CNIH4: variants seen among roughly 807,000 people sequenced by gnomAD.
CNIH4 encodes protein cornichon homolog 4.
Under a neutral mutation model 21.5 loss-of-function variants are expected in CNIH4, and 9 were observed. The observed-to-expected ratio is 0.42, with a 90% CI of 0.25 to 0.73. The LOEUF (loss-of-function observed/expected upper bound fraction) is 0.73. Ranked by LOEUF, CNIH4 falls within the 30% of genes least tolerant of loss-of-function variation. CNIH4 has a pLI of 0.27. For synonymous variants in CNIH4, 67 were observed against 59.1 expected (o/e 1.13, Z -0.61); for missense variants, 159 against 170.0 (o/e 0.94, Z 0.36).
chr1:224,357,391 G>A, intron 1 of CNIH4: 1 of 171,192 alleles, frequency 5.8e-6, no homozygotes, highest in Non-Finnish European at 1.2e-5. Context: ...GCCCTGCGCC[G>A]TGCTCTTCGT....
intron 1 of CNIH4, among the ~76,000 whole-genome samples, chr1:224,358,236 T>C (rs1222147905): frequency 2.0e-5 from 3 of 152,212 alleles, no homozygotes; most frequent in African/African-American, 4.8e-5. Flanking sequence ...ATATGCACAA[T>C]GAGAATGGTG....
Position 224,376,008 on chromosome 1 carries a change from AT to A in CNIH4, c.*189del. The A allele has an allele frequency of 7.8e-7, 1 of 1,287,866 alleles. No homozygotes were observed. The highest frequency in any genetic ancestry group is 2.7e-5 in the South Asian group (1 of 36,830). 79.8% of individuals were successfully genotyped at this position (1,287,866 alleles called of 1,614,324 possible). A position where few individuals can be genotyped will look rare whatever the true frequency, so the allele number is the denominator to read the frequency against. On this transcript the variant is annotated 3_prime_UTR_variant, in exon 5 of 5. Coordinates refer to ENST00000465271, the MANE Select transcript of CNIH4 (RefSeq NM_014184.4). ...AAAAACATGAATTGAGTTTCTGTAG[AT>A]TTCTAGTTCTCAACTTTAGCCTGAA...
chr1:224,369,038 A>G (rs2102862313), intron 3 of CNIH4, among the ~76,000 whole-genome samples: 1 of 151,912 alleles, frequency 6.6e-6, no homozygotes, highest in Admixed American at 6.6e-5. Context: ...CTCAGCGACC[A>G]TCCCACTCAT....
At chr1:224,361,684 G>A (rs898021483) in intron 2 of CNIH4, among the ~76,000 whole-genome samples, 9 of 151,980 alleles carry the variant, frequency 5.9e-5, no homozygotes, top group African/African-American at 2.2e-4. Context: ...CTAGGCTCAA[G>A]CGATCCTTCC....
chr1:224,366,059 C>A, intron 3 of CNIH4, 68 bp downstream of exon 3: 2 of 982,762 alleles, frequency 2.0e-6, no homozygotes, highest in Non-Finnish European at 3.3e-6. Context: ...GTGTTTTTTT[C>A]AAGACAGGAT....
At position 224,375,819 on chromosome 1, in the gene CNIH4, C is replaced by A; in HGVS notation, c.417C>A (p.Asp139Glu). 2 of 1,613,994 alleles carry A rather than the reference C, an allele frequency of 1.2e-6. No individual in the cohort carries two copies. The highest frequency in any genetic ancestry group is 1.7e-6 in the Non-Finnish European group (2 of 1,179,962). The change falls in exon 5 of 5, where the codon GAC (aspartate) becomes GAA (glutamate). Residue 139 changes from aspartate to glutamate, a missense_variant. Asp to Glu is a conservative substitution (Grantham distance 45). Coordinates refer to ENST00000465271, the MANE Select transcript of CNIH4 (RefSeq NM_014184.4). The stretch of plus-strand genomic sequence containing the variant: ...GTATGATCTTAGCTTTGATAAATGA[C>A]TGAAGCTGGAGAAGCCGTGGTTGAA... The part of the protein sequence containing the change: ...LYSMILALIN[D>E]
chr1:224,373,791 G>A (rs1672703586), intron 4 of CNIH4, among the ~76,000 whole-genome samples: 1 of 151,340 alleles, frequency 6.6e-6, no homozygotes, highest in Non-Finnish European at 1.5e-5. Flanking sequence ...TCATGCCACT[G>A]CACTGCAGCC....
Position 224,372,975 on chromosome 1 carries a change from C to T in CNIH4, c.392+1552C>T, listed in dbSNP as rs552163712. ...CTGACAAAGCAGGCTTCCTAAAATC[C>T]CTTCACTGTGCTAAATCCACCCATT... is the stretch of plus-strand genomic sequence containing the variant. On this transcript the variant is annotated intron_variant, in intron 4 of 4. Coordinates refer to ENST00000465271, the MANE Select transcript of CNIH4 (RefSeq NM_014184.4). Among the ~76,000 whole-genome samples the T allele has an allele frequency of 2.8e-4, 43 of 151,884 alleles. 1 individual carries two copies. Among genetic ancestry groups the T allele is most frequent in the Middle Eastern group, 3.2e-3 (1 of 316 alleles).
chr1:224,366,996 C>T (rs952266609), intron 3 of CNIH4, among the ~76,000 whole-genome samples: 1 of 150,428 alleles, frequency 6.6e-6, no homozygotes, highest in East Asian at 2.0e-4. Context: ...AATTAGGTAA[C>T]TAATCAAAAT....
Position 224,376,167 on chromosome 1 carries a change from T to G in CNIH4, c.*345T>G. On this transcript the variant is annotated 3_prime_UTR_variant, in exon 5 of 5. Transcript: ENST00000465271. ...CACTTTAAAGGGCAAACTGAAGAGA[T>G]GAGCGAGCAAAGGTGCCCTTCAGGT... 4.9e-6 allele frequency: 5 copies of G among 1,029,476 alleles called. No homozygotes were observed. Among genetic ancestry groups the G allele is most frequent in the Non-Finnish European group, 5.8e-6 (5 of 858,822 alleles). 63.8% of individuals were successfully genotyped at this position (1,029,476 alleles called of 1,614,324 possible).
chr1:224,357,232 C>T, intron 1 of CNIH4: 1 of 446,402 alleles, frequency 2.2e-6, no homozygotes, highest in Non-Finnish European at 3.9e-6. Flanking sequence ...TTGCCGGCCG[C>T]CCCTCACTCG....
rs535317256 is a variant in CNIH4 at position 224,362,345 on chromosome 1, G to T, written c.138+1782G>T. Reference sequence around the variant, plus strand: ...GATCTGCCCGCCTCAGCCTCCCAAAGAATTTCTCATCTATTCTATATGATT... The same window carrying T: ...GATCTGCCCGCCTCAGCCTCCCAAATAATTTCTCATCTATTCTATATGATT... On this transcript the variant is annotated intron_variant, in intron 2 of 4. Coordinates refer to ENST00000465271, the MANE Select transcript of CNIH4 (RefSeq NM_014184.4). Among the ~76,000 whole-genome samples the T allele has an allele frequency of 9.3e-5, 14 of 150,830 alleles. No individual in the cohort carries two copies. The South Asian group carries it at 3.0e-3, about 32-fold the overall frequency.
Position 224,376,735 on chromosome 1 carries a change from T to C in CNIH4, c.*913T>C. 2.0e-6 allele frequency: 2 copies of C among 985,450 alleles called. No homozygotes were observed. Among genetic ancestry groups the C allele is most frequent in the Non-Finnish European group, 2.4e-6 (2 of 829,946 alleles). The allele number at this position is 985,450 out of a possible 1,614,324, so 61.0% of individuals were successfully genotyped here. A position where few individuals can be genotyped will look rare whatever the true frequency, so the allele number is the denominator to read the frequency against. On this transcript the variant is annotated 3_prime_UTR_variant, in exon 5 of 5. Transcript: ENST00000465271. ...CCACGTTGTGAACTGGGAGACCAAA[T>C]GCAAGCCATTTCATGGACATAGCAA... is the stretch of plus-strand genomic sequence containing the variant.
At chr1:224,361,302 G>C (rs1257331689) in intron 2 of CNIH4, among the ~76,000 whole-genome samples, 3 of 151,888 alleles carry the variant, frequency 2.0e-5, no homozygotes, top group African/African-American at 7.3e-5. Flanking sequence ...ATTTTTCATA[G>C]AGATGGGGTT....
At chr1:224,366,625 AGGTGTGAGCCACAGCGCCG>A (rs958613559) in intron 3 of CNIH4, among the ~76,000 whole-genome samples, 9 of 151,460 alleles carry the variant, frequency 5.9e-5, no homozygotes, top group African/African-American at 2.2e-4. Context: ...CTGGGATTAC[AGGTGTGAGCCACAGCGCCG>A]GGCTGGAAGT....
At chr1:224,357,106 G>A in intron 1 of CNIH4, 113 bp downstream of exon 1, 1 of 1,241,424 alleles carries the variant, frequency 8.1e-7, no homozygotes, top group Admixed American at 2.0e-5. Flanking sequence ...GGCGGGCGTG[G>A]GCTCCCTGGG....
At position 224,376,179 on chromosome 1, in the gene CNIH4, G is replaced by GGTGCCCT. The variant is rs1252876225; in HGVS notation, c.*358_*364dup. On this transcript the variant is annotated 3_prime_UTR_variant, in exon 5 of 5. Transcript: ENST00000465271. The stretch of plus-strand genomic sequence containing the variant: ...CAAACTGAAGAGATGAGCGAGCAAA[G>GGTGCCCT]GTGCCCTTCAGGTCTACTGAAAAGT... The GGTGCCCT allele has an allele frequency of 2.0e-6, 2 of 1,017,862 alleles. No homozygotes were observed. The highest frequency in any genetic ancestry group is 2.3e-6 in the Non-Finnish European group (2 of 851,588). 63.1% of individuals were successfully genotyped at this position (1,017,862 alleles called of 1,614,324 possible).
In CNIH4 at chr1:224,360,172, G is replaced by T. The variant is rs558051600; in HGVS notation, c.70-323G>T. On this transcript the variant is annotated intron_variant, in intron 1 of 4. Coordinates refer to ENST00000465271, the MANE Select transcript of CNIH4 (RefSeq NM_014184.4). ...CTGATCTTGAACTCCTGCTTCAGGCGATCCTCCTGCCTCAGCTTCCCAAAG... is the reference window on the plus strand; with the variant it reads ...CTGATCTTGAACTCCTGCTTCAGGCTATCCTCCTGCCTCAGCTTCCCAAAG... 2.6e-5 allele frequency among the ~76,000 whole-genome samples: 4 copies of T among 151,968 alleles called. No homozygotes were observed. The South Asian group carries it at 8.3e-4, about 31-fold the overall frequency.
chr1:224,356,966 C>T lies in CNIH4; in HGVS notation c.42C>T (p.Cys14=), dbSNP rs780233335. The T allele has an allele frequency of 1.2e-5, 20 of 1,612,204 alleles. No individual in the cohort carries two copies. The highest frequency in any genetic ancestry group is 6.7e-5 in the African/African-American group (5 of 74,924). ...TCGTCTTCTCTCTCCTCGATTGTTG[C>T]GCGCTCATCTTCCTCTCGGTCTACT... The part of the protein sequence containing the change: ...VVFVFSLLDC[C]ALIFLSVYFI... The change falls in exon 1 of 5, where the codon TGC becomes TGT. Residue 14 remains cysteine, a synonymous_variant. Coordinates refer to ENST00000465271, the MANE Select transcript of CNIH4 (RefSeq NM_014184.4).
Sources: gnomAD v4.1 joint callset for allele counts (sites outside exome capture counted in the v4.1 genomes callset) on GRCh38, gnomAD v4.1.1 for gene constraint, MANE v1.5 for transcripts, NCBI Gene and HGNC (gene_info 2026-07-23, HGNC 2026-07-21) for gene names.